TRIM4: variants seen among roughly 807,000 people sequenced by gnomAD.
TRIM4 encodes the protein E3 ubiquitin-protein ligase TRIM4.
Under a neutral mutation model 33.7 loss-of-function variants are expected in TRIM4, and 29 were observed. That is an observed-to-expected ratio of 0.86 (90% CI 0.64 to 1.17). The LOEUF (loss-of-function observed/expected upper bound fraction) is 1.17, where lower values mean the gene tolerates loss of function less well. TRIM4 is among the 50% of genes most tolerant of loss of function. The pLI is 0.00. For synonymous variants in TRIM4, 224 were observed against 233.0 expected (o/e 0.96, Z 0.35); for missense variants, 554 against 593.7 (o/e 0.93, Z 0.69).
At chr7:99,897,754 T>C (rs1314285981) in intron 5 of TRIM4, among the ~76,000 whole-genome samples, 1 of 152,178 alleles carries the variant, frequency 6.6e-6, no homozygotes, top group East Asian at 1.9e-4. Context: ...AACATTATAA[T>C]ACCCCCCACT....
intron 4 of TRIM4, 102 bp downstream of exon 4, chr7:99,903,474 G>A: frequency 2.0e-6 from 3 of 1,489,310 alleles, no homozygotes; most frequent in Non-Finnish European, 1.9e-6. Context: ...CCATTAGGGT[G>A]TGCCCAGACT....
chr7:99,898,352 TGTGGGGTGGCTACCCCCACAGCAATG>T (rs1237706526), intron 5 of TRIM4, among the ~76,000 whole-genome samples: 2 of 152,244 alleles, frequency 1.3e-5, no homozygotes, highest in Non-Finnish European at 2.9e-5. Context: ...AAACTCTTAA[TGTGGGGTGGCTACCCCCACAGCAATG>T]CAACCAATCC....
At chr7:99,892,897 G>T in intron 5 of TRIM4, 151 bp from the exon 6 acceptor site, 1 of 691,550 alleles carries the variant, frequency 1.4e-6, no homozygotes, top group Non-Finnish European at 2.4e-6. Flanking sequence ...GCCAGGCCTA[G>T]CAGGCCACAG....
intron 5 of TRIM4, among the ~76,000 whole-genome samples, chr7:99,894,992 T>C (rs755289921): frequency 2.0e-5 from 3 of 152,236 alleles, no homozygotes; most frequent in Admixed American, 1.3e-4. Flanking sequence ...TGTGTCAATT[T>C]TACTGAAATT....
At chr7:99,914,591 G>A (rs1819511349) in intron 1 of TRIM4, among the ~76,000 whole-genome samples, 3 of 152,080 alleles carry the variant, frequency 2.0e-5, no homozygotes, top group South Asian at 4.2e-4. Flanking sequence ...CCTACATCTC[G>A]TTTCACATCG....
In TRIM4 at chr7:99,890,958, T is replaced by C. The variant is rs1418429019; in HGVS notation, c.*1205A>G. On this transcript the variant is annotated 3_prime_UTR_variant, in exon 6 of 6. Transcript: ENST00000349062. ...AGAAAATATATTGAAATGTTAGTAG[T>C]GCATAACTTTAATTTTTATACTTTT... 2 of 152,238 alleles carry C rather than the reference T, an allele frequency of 1.3e-5. No homozygotes were observed. Among genetic ancestry groups the C allele is most frequent in the African/African-American group, 4.8e-5 (2 of 41,458 alleles). The allele number at this position is 152,238 out of a possible 1,614,324, so 9.4% of individuals were successfully genotyped here.
intron 5 of TRIM4, among the ~76,000 whole-genome samples, chr7:99,895,317 G>C (rs1157156857): frequency 6.6e-6 from 1 of 151,994 alleles, no homozygotes; most frequent in Non-Finnish European, 1.5e-5. Flanking sequence ...TTAATTCAAG[G>C]GTTACTAAAA....
In TRIM4 at chr7:99,892,546, C is replaced by T. The variant is rs755946853; in HGVS notation, c.1042G>A (p.Val348Ile). 1.1e-5 allele frequency: 17 copies of T among 1,614,062 alleles called. No individual in the cohort carries two copies. The highest frequency in any genetic ancestry group is 3.3e-4 in the Middle Eastern group (2 of 6,084). The change falls in exon 6 of 6, where the codon GTT becomes ATT. Residue 348 changes from valine to isoleucine, a missense_variant. Transcript: ENST00000349062. ...CAGTAATGTTTCCCTGAGGTGAAAA[C>T]GTTTTTTCCCAGAACACAGGGTAAG... is the stretch of plus-strand genomic sequence containing the variant. ...QHLPCVLGKN[V>I]FTSGKHYWEV...
Position 99,892,011 on chromosome 7 carries a change from G to C in TRIM4, c.*152C>G. On this transcript the variant is annotated 3_prime_UTR_variant, in exon 6 of 6. Coordinates refer to ENST00000349062, the MANE Select transcript of TRIM4 (RefSeq NM_033091.3). ...CTCCCATGGGACTGCCTCTTGTGAA[G>C]CACACAAAGGGCAGATACCAAACGG... is the stretch of plus-strand genomic sequence containing the variant. The C allele has an allele frequency of 1.5e-6, 1 of 688,872 alleles. No individual in the cohort carries two copies. The highest frequency in any genetic ancestry group is 2.3e-6 in the Non-Finnish European group (1 of 426,922). 42.7% of individuals were successfully genotyped at this position (688,872 alleles called of 1,614,324 possible).
chr7:99,892,318 G>A lies in TRIM4; in HGVS notation c.1270C>T (p.Leu424=), dbSNP rs1818909577. ...EPALHRVGVY[L]DRGTGNVSFY... is the part of the protein sequence containing the mutation. ...GAGACATTCCCAGTCCCACGATCCA[G>A]GTAAACCCCCACTCGGTGGAGAGCT... The change falls in exon 6 of 6, where the codon CTG becomes TTG. Residue 424 remains leucine (L), a synonymous_variant. Transcript: ENST00000349062. The A allele has an allele frequency of 1.2e-6, 2 of 1,614,184 alleles. No individual in the cohort carries two copies. Among genetic ancestry groups the A allele is most frequent in the Admixed American group, 3.3e-5 (2 of 60,020 alleles).
intron 5 of TRIM4, among the ~76,000 whole-genome samples, chr7:99,896,246 C>T (rs1405558911): frequency 6.6e-6 from 1 of 152,100 alleles, no homozygotes; most frequent in Non-Finnish European, 1.5e-5. Flanking sequence ...AACAATGACC[C>T]TATGGTCCAA....
At chr7:99,893,052 C>T (rs1273299812) in intron 5 of TRIM4, among the ~76,000 whole-genome samples, 1 of 152,130 alleles carries the variant, frequency 6.6e-6, no homozygotes, top group Non-Finnish European at 1.5e-5. Context: ...AGAGTGAGAC[C>T]AGCCTGGCCA....
chr7:99,919,427 G>A lies in TRIM4; in HGVS notation c.-26C>T. On this transcript the variant is annotated 5_prime_UTR_variant, in exon 1 of 6. Transcript: ENST00000349062. ...GCTGCTTCCCTGCCGCGGAGACGGA[G>A]TCCGACGTGAGGCGCGGGAGAGGCC... 1 of 1,506,274 alleles carries A rather than the reference G, an allele frequency of 6.6e-7. No homozygotes were observed. Among genetic ancestry groups the A allele is most frequent in the Non-Finnish European group, 8.9e-7 (1 of 1,128,118 alleles). 93.3% of individuals were successfully genotyped at this position (1,506,274 alleles called of 1,614,324 possible).
chr7:99,893,041 G>C (rs111526571), intron 5 of TRIM4, among the ~76,000 whole-genome samples: 1 of 152,158 alleles, frequency 6.6e-6, no homozygotes, highest in Non-Finnish European at 1.5e-5. Context: ...TGGAGGTCAC[G>C]AGAGTGAGAC....
intron 1 of TRIM4, among the ~76,000 whole-genome samples, chr7:99,916,279 G>A (rs1376974839): frequency 6.6e-6 from 1 of 152,098 alleles, no homozygotes; most frequent in African/African-American, 2.4e-5. Context: ...TGTTTCCCAA[G>A]CTTCTCTTTG....
chr7:99,903,118 T>C lies in TRIM4; in HGVS notation c.841+100A>G. ...ATTAACCACCTTTCCTGACACTCTA[T>C]TAGCTGCATGCTGTTTCCTCTTTCC... On this transcript the variant is annotated intron_variant, in intron 5 of 5. Transcript: ENST00000349062. The C allele has an allele frequency of 3.5e-6, 3 of 861,098 alleles. 1 individual carries two copies. The highest frequency in any genetic ancestry group is 5.5e-6 in the Non-Finnish European group (3 of 545,114). 53.3% of individuals were successfully genotyped at this position (861,098 alleles called of 1,614,324 possible). A position where few individuals can be genotyped will look rare whatever the true frequency, so the allele number is the denominator to read the frequency against.
At chr7:99,905,051 A>AAAAATT (rs1491433629) in intron 3 of TRIM4, among the ~76,000 whole-genome samples, 1 of 40,148 alleles carries the variant, frequency 2.5e-5, no homozygotes, top group Non-Finnish European at 6.9e-5. Context: ...AATAAAAATT[A>AAAAATT]AAAAAAAAAA....
intron 5 of TRIM4, among the ~76,000 whole-genome samples, chr7:99,900,360 G>T (rs1819132201): frequency 6.6e-6 from 1 of 152,126 alleles, no homozygotes; most frequent in African/African-American, 2.4e-5. Context: ...CAGGCTTACT[G>T]ACTTAAATGT....
At chr7:99,901,409 T>C (rs747314616) in intron 5 of TRIM4, 4 of 152,254 alleles carry the variant, frequency 2.6e-5, no homozygotes, top group Non-Finnish European at 4.4e-5. Flanking sequence ...TCCTCCATTA[T>C]GGGTCACTGC....
Sources: allele counts gnomAD v4.1 joint callset (sites outside exome capture counted in the v4.1 genomes callset), GRCh38; gene constraint gnomAD v4.1.1; transcripts MANE v1.5; gene names NCBI Gene and HGNC (gene_info 2026-07-23, HGNC 2026-07-21).